Variants in HEATR5A observed in about 807,000 individuals in gnomAD.
HEATR5A encodes HEAT repeat-containing protein 5A.
A neutral mutation model predicts 218.8 loss-of-function variants in HEATR5A; 178 were observed. The observed-to-expected ratio is 0.81, with a 90% confidence interval of 0.72 to 0.92. The LOEUF (loss-of-function observed/expected upper bound fraction) is 0.92, where lower values mean the gene tolerates loss of function less well. Among genes scored for constraint, HEATR5A ranks in the 40% least tolerant of loss-of-function variants. The probability of loss-of-function intolerance (pLI) is 0.00; values close to 1 mark genes in which losing one functional copy is unlikely to be tolerated. For missense variants in HEATR5A, 2,420 were observed against 2,418.9 expected, an observed-to-expected ratio of 1.00 and a Z score of -0.01; for synonymous variants, 864 against 871.6, an observed-to-expected ratio of 0.99 and a Z score of 0.15.
chr14:31,409,647 C>A (rs2031206890), intron 1 of HEATR5A, among the ~76,000 whole-genome samples: 1 of 152,038 alleles, frequency 6.6e-6, no homozygotes, highest in Non-Finnish European at 1.5e-5. Context: ...CTGCAGTGGG[C>A]CAAGATCGCG....
Position 31,375,009 on chromosome 14 carries a change from G to A in HEATR5A, c.1709-41C>T. ...CTTGTCACTTGTAAGAGAATCCAAGGTTGTCACTCTTTAAAACTCTATTAT... is the reference window on the plus strand; with the variant it reads ...CTTGTCACTTGTAAGAGAATCCAAGATTGTCACTCTTTAAAACTCTATTAT... On this transcript the variant is annotated intron_variant, in intron 11 of 35. Transcript: ENST00000543095. 3 of 1,521,986 alleles carry A rather than the reference G, an allele frequency of 2.0e-6. No homozygotes were observed. The South Asian group carries it at 3.7e-5, about 19-fold the overall frequency. 94.3% of individuals were successfully genotyped at this position (1,521,986 alleles called of 1,614,324 possible).
At chr14:31,310,266 C>T (rs1028412478) in intron 28 of HEATR5A, among the ~76,000 whole-genome samples, 7 of 151,384 alleles carry the variant, frequency 4.6e-5, no homozygotes, top group Non-Finnish European at 8.9e-5. Context: ...AACTCCTGAG[C>T]TCAAGTGACC....
intron 13 of HEATR5A, among the ~76,000 whole-genome samples, chr14:31,366,724 A>G (rs1276428367): frequency 6.6e-6 from 1 of 152,224 alleles, no homozygotes; most frequent in Non-Finnish European, 1.5e-5. Flanking sequence ...ACCAGCCCCT[A>G]TGCCAATAAA....
At chr14:31,356,165 C>T (rs745855185) in intron 16 of HEATR5A, among the ~76,000 whole-genome samples, 25 of 152,262 alleles carry the variant, frequency 1.6e-4, no homozygotes, top group Non-Finnish European at 3.5e-4. Flanking sequence ...GGTTCTGTAA[C>T]GACACCTACT....
intron 4 of HEATR5A, 30 bp downstream of exon 4, chr14:31,398,643 C>CAA: frequency 8.2e-7 from 1 of 1,217,048 alleles, no homozygotes; most frequent in Non-Finnish European, 1.2e-6. Flanking sequence ...GCTGTCTTTT[C>CAA]ATTCTTTGGC....
intron 22 of HEATR5A, among the ~76,000 whole-genome samples, chr14:31,329,445 C>T (rs1196586238): frequency 6.6e-6 from 1 of 152,192 alleles, no homozygotes; most frequent in Non-Finnish European, 1.5e-5. Flanking sequence ...AATTGGGCTG[C>T]AGTCCCCACG....
intron 22 of HEATR5A, among the ~76,000 whole-genome samples, chr14:31,327,505 G>C (rs898600923): frequency 6.6e-6 from 1 of 151,390 alleles, no homozygotes; most frequent in Non-Finnish European, 1.5e-5. Flanking sequence ...TGGCCAGGCT[G>C]GTCCCGAACT....
chr14:31,370,036 C>A (rs1901975464), intron 13 of HEATR5A, among the ~76,000 whole-genome samples: 1 of 151,508 alleles, frequency 6.6e-6, no homozygotes, highest in South Asian at 2.1e-4. Context: ...ACCATCCTGG[C>A]TAACACGGTG....
chr14:31,364,360 G>T, intron 13 of HEATR5A, 62 bp from the exon 14 acceptor site: 2 of 752,700 alleles, frequency 2.7e-6, no homozygotes, highest in South Asian at 1.9e-5. Flanking sequence ...TACAAAAATT[G>T]ACAGCTTAAT....
intron 13 of HEATR5A, among the ~76,000 whole-genome samples, chr14:31,371,356 A>G (rs1362773438): frequency 1.3e-5 from 2 of 152,232 alleles, no homozygotes; most frequent in Non-Finnish European, 2.9e-5. Context: ...TGCTGTTTTC[A>G]AAGAACTTTC....
intron 11 of HEATR5A, 50 bp downstream of exon 11, chr14:31,380,417 C>G (rs1566775396): frequency 8.7e-7 from 1 of 1,155,536 alleles, no homozygotes; most frequent in Non-Finnish European, 1.3e-6. Flanking sequence ...TCATTTCACT[C>G]AGAAAACACA....
In HEATR5A at chr14:31,340,537, CTTT is replaced by C. The variant is rs1474989258; in HGVS notation, c.3229-2926_3229-2924del. ...AACCAAAAGATAAATATTAGGATGA[CTTT>C]GACAACAGTCAGCTAAGCATTAAAA... is the stretch of plus-strand genomic sequence containing the variant. On this transcript the variant is annotated intron_variant, in intron 21 of 35. Transcript: ENST00000543095. 18 of 1,049,078 alleles carry C rather than the reference CTTT, an allele frequency of 1.7e-5. No homozygotes were observed. The Admixed American group carries it at 4.2e-4, about 25-fold the overall frequency. The allele number at this position is 1,049,078 out of a possible 1,614,324, so 65.0% of individuals were successfully genotyped here.
chr14:31,396,636 A>T (rs551580641), intron 4 of HEATR5A, among the ~76,000 whole-genome samples: 1 of 152,322 alleles, frequency 6.6e-6, no homozygotes, highest in Non-Finnish European at 1.5e-5. Flanking sequence ...GGCACTTAAA[A>T]GTCATAGGTG....
intron 16 of HEATR5A, among the ~76,000 whole-genome samples, chr14:31,354,827 T>C (rs1024460335): frequency 3.9e-5 from 6 of 152,174 alleles, no homozygotes; most frequent in Non-Finnish European, 5.9e-5. Flanking sequence ...TTAGAGGGTA[T>C]ATAATGGCAA....
chr14:31,306,262 G>A lies in HEATR5A; in HGVS notation c.4966+470C>T, dbSNP rs140945533. 2.3e-3 allele frequency among the ~76,000 whole-genome samples: 352 copies of A among 152,258 alleles called. 2 individuals are homozygous for A. Among genetic ancestry groups the A allele is most frequent in the African/African-American group, 7.7e-3 (321 of 41,542 alleles). On this transcript the variant is annotated intron_variant, in intron 31 of 35. Coordinates refer to ENST00000543095, the MANE Select transcript of HEATR5A (RefSeq NM_015473.4). ...GGAGGCTGAGGTGGGTGGATTGCCT[G>A]AGTCCAGGAGTTCGAGAGACCAGGC...
rs774717077 is a variant in HEATR5A, at chr14:31,387,283, C to T, written c.1026G>A (p.Pro342=). 56 of 1,613,886 alleles carry T rather than the reference C, an allele frequency of 3.5e-5. No homozygotes were observed. Among genetic ancestry groups the T allele is most frequent in the Admixed American group, 1.0e-4 (6 of 60,000 alleles). Residue 342 remains proline (P), a synonymous_variant, in exon 8 of 36, where the codon CCG becomes CCA. Transcript: ENST00000543095. ...GAGTTTGGGTGGCTTTAGGGTGTGA[C>T]GGTGACGCAAGGCTTAGGATATGAG... ...FFSHILSLAS[P]SHPKATQTQI...
intron 1 of HEATR5A, among the ~76,000 whole-genome samples, chr14:31,407,606 A>ATATT (rs1566785468): frequency 1.4e-3 from 2 of 1,402 alleles, no homozygotes; most frequent in African/African-American, 2.2e-3. Flanking sequence ...ATATATATAT[A>ATATT]TATATATATA....
At chr14:31,343,215 C>A (rs1900897904) in intron 21 of HEATR5A, among the ~76,000 whole-genome samples, 1 of 152,094 alleles carries the variant, frequency 6.6e-6, no homozygotes, top group Non-Finnish European at 1.5e-5. Flanking sequence ...GGCTCAGCCT[C>A]CTGAGTAGCT....
intron 9 of HEATR5A, among the ~76,000 whole-genome samples, chr14:31,384,754 T>G (rs1004150748): frequency 6.6e-6 from 1 of 152,070 alleles, no homozygotes; most frequent in African/African-American, 2.4e-5. Flanking sequence ...CTTGAACTCC[T>G]GACCTCAGGT....
Sources: gnomAD v4.1 joint callset for allele counts (sites outside exome capture counted in the v4.1 genomes callset) on GRCh38, gnomAD v4.1.1 for gene constraint, MANE v1.5 for transcripts, NCBI Gene and HGNC (gene_info 2026-07-23, HGNC 2026-07-21) for gene names.